The following PACS2 variants were observed in gnomAD, a reference collection of about 807,000 sequenced individuals.
PACS2 encodes PACS1-like protein.
Under a neutral mutation model 113.0 loss-of-function variants are expected in PACS2, and 36 were observed. The ratio of observed to expected loss-of-function variants is 0.32; its 90% CI spans 0.24 to 0.42. PACS2 has a LOEUF of 0.42. PACS2 is among the 10% of genes least tolerant of loss of function. The pLI is 1.00. For synonymous variants in PACS2, 589 were observed against 536.1 expected, an observed-to-expected ratio of 1.10 and a Z score of -1.36; for missense variants, 1,015 against 1,239.5, an observed-to-expected ratio of 0.82 and a Z score of 2.72.
chr14:105,382,888 A>G lies in PACS2; in HGVS notation c.1600A>G (p.Thr534Ala). 6.2e-7 allele frequency: 1 copy of G among 1,604,620 alleles called. No individual in the cohort carries two copies. The highest frequency in any genetic ancestry group is 8.5e-7 in the Non-Finnish European group (1 of 1,177,138). The change falls in exon 15 of 25, where the codon ACC (threonine) becomes GCC (alanine). Residue 534 changes from threonine (T) to alanine (A), a missense_variant. Thr to Ala is a moderately conservative substitution (Grantham distance 58, BLOSUM62 0). Around this residue, in one of 3 missense-constraint regions of PACS2, gnomAD observed 859 missense variants for 1,056.8 expected, o/e 0.81. Transcript: ENST00000447393. ...TGCGGACGTCCAGGCGGCCTTCAGC[A>G]CCATCGTCTCACGGATACAGAGATA... ...SPADVQAAFSTIVSRIQRYCN... is the reference protein window; with the variant it reads ...SPADVQAAFSAIVSRIQRYCN...
At chr14:105,391,866 A>C in intron 22 of PACS2, 100 bp downstream of exon 22, 1 of 1,251,498 alleles carries the variant, frequency 8.0e-7, no homozygotes, top group East Asian at 2.8e-5. Context: ...CTCCCAGGGC[A>C]CCTGGCCTGT....
rs587669666 is a variant in PACS2 at position 105,396,323 on chromosome 14, G to A, written c.*1651G>A. The A allele has an allele frequency of 6.6e-6, 1 of 152,208 alleles. No homozygotes were observed. The highest frequency in any genetic ancestry group is 2.4e-5 in the African/African-American group (1 of 41,400). The allele number at this position is 152,208 out of a possible 1,614,324, so 9.4% of individuals were successfully genotyped here. A position where few individuals can be genotyped will look rare whatever the true frequency, so the allele number is the denominator to read the frequency against. On this transcript the variant is annotated 3_prime_UTR_variant, in exon 25 of 25. Coordinates refer to ENST00000447393, the MANE Select transcript of PACS2 (RefSeq NM_001100913.3). ...CCAGGGTGGGGGAGAGGGTAGGAAGGTCTCCCATTGAATCCTGGCTTCAGG... is the reference window on the plus strand; with the variant it reads ...CCAGGGTGGGGGAGAGGGTAGGAAGATCTCCCATTGAATCCTGGCTTCAGG...
At chr14:105,353,456 C>T (rs2060313890) in intron 3 of PACS2, among the ~76,000 whole-genome samples, 1 of 152,016 alleles carries the variant, frequency 6.6e-6, no homozygotes, top group African/African-American at 2.4e-5. Context: ...CATCACTGTC[C>T]CCTGGGGTGA....
At chr14:105,349,304 G>A (rs1395871056) in intron 2 of PACS2, among the ~76,000 whole-genome samples, 1 of 152,244 alleles carries the variant, frequency 6.6e-6, no homozygotes, top group Non-Finnish European at 1.5e-5. Context: ...CACCACTCAT[G>A]GGCAAGTCTC....
At chr14:105,310,934 A>G (rs938664906), upstream of PACS2, among the ~76,000 whole-genome samples, 1 of 152,202 alleles carries the variant, frequency 6.6e-6, no homozygotes, top group South Asian at 2.1e-4. Flanking sequence ...CATACTGCAC[A>G]TGGACATGCA....
chr14:105,332,453 C>A (rs142596270), intron 1 of PACS2, among the ~76,000 whole-genome samples: 1 of 152,160 alleles, frequency 6.6e-6, no homozygotes, highest in Non-Finnish European at 1.5e-5. Context: ...CCTGTGTGGC[C>A]GACCACCTCC....
intron 4 of PACS2, among the ~76,000 whole-genome samples, chr14:105,359,015 GCA>G (rs1555405849): frequency 2.6e-5 from 4 of 152,212 alleles, no homozygotes; most frequent in Admixed American, 1.3e-4. Flanking sequence ...TAACACCATA[GCA>G]CAGTTACTTT....
chr14:105,392,771 T>C lies in PACS2; in HGVS notation c.2408T>C (p.Leu803Pro). 1 of 1,611,900 alleles carries C rather than the reference T, an allele frequency of 6.2e-7. No individual in the cohort carries two copies. The highest frequency in any genetic ancestry group is 8.5e-7 in the Non-Finnish European group (1 of 1,179,984). Reference protein sequence around the residue: ...CTFRSLQVSRLPSSGEAAATP... With the variant: ...CTFRSLQVSRPPSSGEAAATP... ...TTCCGGTCCCTCCAGGTCAGCAGGC[T>C]GCCCAGCAGCGGCGAGGCTGCAGCC... The change falls in exon 23 of 25, where the codon CTG (leucine) becomes CCG (proline). Residue 803 changes from leucine to proline, a missense_variant. This residue lies in a region of PACS2 where 859 missense variants were observed against 1,056.8 expected (regional missense o/e 0.81). Transcript: ENST00000447393.
intron 19 of PACS2, among the ~76,000 whole-genome samples, chr14:105,387,912 T>C (rs2081232842): frequency 6.6e-6 from 1 of 152,188 alleles, no homozygotes; most frequent in South Asian, 2.1e-4. Flanking sequence ...ATGTCACAGA[T>C]TTCCAAACAC....
intron 12 of PACS2, 45 bp from the exon 13 acceptor site, chr14:105,381,869 T>G: frequency 6.6e-7 from 1 of 1,525,732 alleles, no homozygotes; most frequent in Middle Eastern, 1.9e-4. Context: ...CCCCTGTTCC[T>G]GTTCCTGCTG....
At position 105,384,350 on chromosome 14, in the gene PACS2, C is replaced by T. The variant is rs782555746; in HGVS notation, c.1781-3C>T. ...TGACACCAGCCCCACCCCTGGCATG[C>T]AGGCTCCCACCCCGTGGCCAGGTAC... is the stretch of plus-strand genomic sequence containing the variant. On this transcript the variant is annotated splice_region_variant and splice_polypyrimidine_tract_variant and intron_variant, in intron 16 of 24. Coordinates refer to ENST00000447393, the MANE Select transcript of PACS2 (RefSeq NM_001100913.3). The T allele has an allele frequency of 8.2e-6, 13 of 1,585,514 alleles. No individual in the cohort carries two copies. The highest frequency in any genetic ancestry group is 1.0e-5 in the Non-Finnish European group (12 of 1,156,888).
intron 1 of PACS2, chr14:105,301,348 G>A (rs1471860855): frequency 6.6e-6 from 1 of 152,164 alleles, no homozygotes; most frequent in Non-Finnish European, 1.5e-5. Context: ...GTGGAGAGAC[G>A]GCCTGCGAAG....
chr14:105,386,942 G>A (rs1348540526), intron 19 of PACS2, among the ~76,000 whole-genome samples: 3 of 152,182 alleles, frequency 2.0e-5, no homozygotes, highest in African/African-American at 4.8e-5. Flanking sequence ...CCGCCCGGCC[G>A]CCGCAGGCCG....
At chr14:105,313,500 C>A (rs995347106), upstream of PACS2, among the ~76,000 whole-genome samples, 1 of 152,172 alleles carries the variant, frequency 6.6e-6, no homozygotes, top group African/African-American at 2.4e-5. Flanking sequence ...GAAGTGGGAC[C>A]CTGACTTTAA....
intron 8 of PACS2, chr14:105,374,867 TA>T (rs2061291733): frequency 1.3e-5 from 2 of 152,224 alleles, no homozygotes; most frequent in South Asian, 4.1e-4. Context: ...CGAGAATCCA[TA>T]AGCAGCTCGT....
At position 105,393,254 on chromosome 14, in the gene PACS2, G is replaced by C. The variant is rs2081422877; in HGVS notation, c.2515G>C (p.Asp839His). ...MFLPKKAKDKDVESKSQCIEG... is the reference protein window; with the variant it reads ...MFLPKKAKDKHVESKSQCIEG... ...TCTGCCCAAGAAAGCGAAGGACAAG[G>C]ACGTGGAGTCTAAGAGCCAGTGCAT... Residue 839 changes from aspartate (D) to histidine (H), a missense_variant, in exon 24 of 25, where the codon GAC becomes CAC. By Grantham distance (81) the Asp-to-His change is moderately conservative. Coordinates refer to ENST00000447393, the MANE Select transcript of PACS2 (RefSeq NM_001100913.3). 6.2e-7 allele frequency: 1 copy of C among 1,612,834 alleles called. No individual in the cohort carries two copies. The highest frequency in any genetic ancestry group is 1.7e-5 in the Admixed American group (1 of 59,994).
chr14:105,342,232 G>A (rs782683158), intron 1 of PACS2, among the ~76,000 whole-genome samples: 1 of 119,758 alleles, frequency 8.4e-6, no homozygotes, highest in South Asian at 2.8e-4. Flanking sequence ...GCTGCTGCCT[G>A]TGTGTGTGTG....
chr14:105,392,688 G>A lies in PACS2; in HGVS notation c.2325G>A (p.Arg775=). The change falls in exon 23 of 25, where the codon AGG becomes AGA. Residue 775 remains arginine, a synonymous_variant. Transcript: ENST00000447393. ...DYWTAAQPAD[R]KRDAEKKDLP... Reference sequence around the variant, plus strand: ...GGACGGCAGCACAGCCTGCGGACAGGAAGAGGGACGCCGAGAAGAAGGACC... The same window carrying A: ...GGACGGCAGCACAGCCTGCGGACAGAAAGAGGGACGCCGAGAAGAAGGACC... 1.2e-6 allele frequency: 2 copies of A among 1,612,854 alleles called. No individual in the cohort carries two copies. The highest frequency in any genetic ancestry group is 8.5e-7 in the Non-Finnish European group (1 of 1,179,950).
chr14:105,315,242 AC>A lies in PACS2; in HGVS notation c.119+207del, dbSNP rs1373373129. On this transcript the variant is annotated intron_variant, in intron 1 of 24. Transcript: ENST00000447393. The surrounding 1 kb of genome is among the most constrained non-coding windows in gnomAD (Gnocchi z 4.4). ...GGCCCCAGCCCCCCAGGTCCCGAGC[AC>A]CGGGGGCCGCGCTCAGCTTCCGAGG... The A allele has an allele frequency of 5.6e-6, 1 of 178,022 alleles. No individual in the cohort carries two copies. Among genetic ancestry groups the A allele is most frequent in the African/African-American group, 2.4e-5 (1 of 41,888 alleles). 11.0% of individuals were successfully genotyped at this position (178,022 alleles called of 1,614,324 possible). A position where few individuals can be genotyped will look rare whatever the true frequency, so the allele number is the denominator to read the frequency against.
Sources: gnomAD v4.1 joint callset for allele counts (sites outside exome capture counted in the v4.1 genomes callset) on GRCh38, gnomAD v4.1.1 for gene constraint, gnomAD v4.1.1 regional missense constraint, Gnocchi (gnomAD v3.1) non-coding constraint, MANE v1.5 for transcripts, NCBI Gene and HGNC (gene_info 2026-07-23, HGNC 2026-07-21) for gene names.